Variants in SCUBE3 observed in about 807,000 individuals in gnomAD.
SCUBE3 encodes the protein signal peptide, CUB and EGF-like domain-containing protein 3.
In SCUBE3, 33 loss-of-function variants were observed where a neutral mutation model predicts 116.8. The observed-to-expected ratio is 0.28, with a 90% CI of 0.21 to 0.38. The LOEUF is 0.38. SCUBE3 is among the 10% of genes least tolerant of loss of function. The pLI is 1.00. For synonymous variants in SCUBE3, 418 were observed against 496.9 expected, an observed-to-expected ratio of 0.84 and a Z score of 2.11; for missense variants, 1,007 against 1,324.8, an observed-to-expected ratio of 0.76 and a Z score of 3.72.
At position 35,235,736 on chromosome 6, in the gene SCUBE3, C is replaced by T. The variant is rs1037649068; in HGVS notation, c.713-2166C>T. Among the ~76,000 whole-genome samples the T allele has an allele frequency of 2.2e-4, 33 of 152,090 alleles. No homozygotes were observed. The highest frequency in any genetic ancestry group is 6.8e-4 in the African/African-American group (28 of 41,400). On this transcript the variant is annotated intron_variant, in intron 6 of 21. Coordinates refer to ENST00000274938, the MANE Select transcript of SCUBE3 (RefSeq NM_152753.4). The surrounding 1 kb of genome is among the most constrained non-coding windows in gnomAD (Gnocchi z 4.5). ...TTTGTTCCTGTCACTCTCCTTCTGC[C>T]CTTCCTCTTCTGCTGTCTCCTCCCA...
rs1562061580 is a variant in SCUBE3, at chr6:35,246,422, GCTT to G, written c.2832+141_2832+143del. The G allele has an allele frequency of 7.5e-6, 5 of 667,420 alleles. No individual in the cohort carries two copies. In the East Asian group the frequency reaches 1.4e-4, roughly 19 times the overall value. The allele number at this position is 667,420 out of a possible 1,614,324, so 41.3% of individuals were successfully genotyped here. A position where few individuals can be genotyped will look rare whatever the true frequency, so the allele number is the denominator to read the frequency against. On this transcript the variant is annotated intron_variant, in intron 21 of 21. Coordinates refer to ENST00000274938, the MANE Select transcript of SCUBE3 (RefSeq NM_152753.4). ...CTATGAGGTAGGTGCTTTCTCCATT[GCTT>G]CTTTACAGATGGGAAAACTGGGGTA... is the stretch of plus-strand genomic sequence containing the variant.
Position 35,232,446 on chromosome 6 carries a change from G to C in SCUBE3, c.470-404G>C, listed in dbSNP as rs750983497. Reference sequence around the variant, plus strand: ...CTCCACTCTCATTGTAGATCTGATTGCTACTGATCTTCTTCCCAGTTTGAC... The same window carrying C: ...CTCCACTCTCATTGTAGATCTGATTCCTACTGATCTTCTTCCCAGTTTGAC... On this transcript the variant is annotated intron_variant, in intron 4 of 21. Coordinates refer to ENST00000274938, the MANE Select transcript of SCUBE3 (RefSeq NM_152753.4). This position sits in a 1 kb window ranked among gnomAD's most constrained non-coding sequence, Gnocchi z 4.2. Among the ~76,000 whole-genome samples, 1 of 152,122 alleles carries C rather than the reference G, an allele frequency of 6.6e-6. No individual in the cohort carries two copies. Among genetic ancestry groups the C allele is most frequent in the Non-Finnish European group, 1.5e-5 (1 of 68,026 alleles).
intron 1 of SCUBE3, among the ~76,000 whole-genome samples, chr6:35,215,711 T>C (rs148106973): frequency 8.7e-4 from 132 of 152,306 alleles, no homozygotes; most frequent in African/African-American, 2.8e-3. Context: ...AGGTGCTGTA[T>C]CAATGCCGCC....
Position 35,240,543 on chromosome 6 carries a change from C to A in SCUBE3, c.1069+53C>A. ...CACCCTGGCCCCCTCACCTCTTCAC[C>A]CTCCAATTGAACAGGTCCTTGTGTT... is the stretch of plus-strand genomic sequence containing the variant. On this transcript the variant is annotated intron_variant, in intron 9 of 21. Coordinates refer to ENST00000274938, the MANE Select transcript of SCUBE3 (RefSeq NM_152753.4). The surrounding 1 kb of genome is among the most constrained non-coding windows in gnomAD (Gnocchi z 4.6). 2 of 883,582 alleles carry A rather than the reference C, an allele frequency of 2.3e-6. No homozygotes were observed. Among genetic ancestry groups the A allele is most frequent in the East Asian group, 5.2e-5 (2 of 38,462 alleles). 54.7% of individuals were successfully genotyped at this position (883,582 alleles called of 1,614,324 possible).
intron 6 of SCUBE3, among the ~76,000 whole-genome samples, chr6:35,236,146 A>G (rs1783761963): frequency 6.6e-6 from 1 of 152,244 alleles, no homozygotes; most frequent in Non-Finnish European, 1.5e-5. Context: ...TAGTGCATGT[A>G]GAGCATCTAC....
At chr6:35,247,934 GAGGAGCATTCCAAGCTA>G (rs920991796) in intron 21 of SCUBE3, among the ~76,000 whole-genome samples, 5 of 152,232 alleles carry the variant, frequency 3.3e-5, no homozygotes, top group African/African-American at 1.2e-4. Context: ...GAAGATGAGG[GAGGAGCATTCCAAGCTA>G]AGGAGCATGG....
Position 35,227,571 on chromosome 6 carries a change from C to T in SCUBE3, c.86-9C>T, listed in dbSNP as rs773830775. ...AGAGGTTCTCATGTGCCCCCTCTGC[C>T]CCTGCCAGATGTGGATGAGTGTGTG... On this transcript the variant is annotated splice_polypyrimidine_tract_variant and intron_variant, in intron 1 of 21. Coordinates refer to ENST00000274938, the MANE Select transcript of SCUBE3 (RefSeq NM_152753.4). The T allele has an allele frequency of 6.2e-6, 10 of 1,614,156 alleles. No individual in the cohort carries two copies. The highest frequency in any genetic ancestry group is 8.5e-6 in the Non-Finnish European group (10 of 1,180,024).
rs1313706133 is a variant in SCUBE3, at chr6:35,214,427, G to A, written c.9G>A (p.Ser3=). 2.0e-6 allele frequency: 3 copies of A among 1,469,390 alleles called. No homozygotes were observed. Among genetic ancestry groups the A allele is most frequent in the Non-Finnish European group, 2.7e-6 (3 of 1,111,976 alleles). 91.0% of individuals were successfully genotyped at this position (1,469,390 alleles called of 1,614,324 possible). ...CGCCAGTAGCTCCAGCCATGGGCTCGGGGCGCGTACCCGGGCTCTGCCTGC... is the reference window on the plus strand; with the variant it reads ...CGCCAGTAGCTCCAGCCATGGGCTCAGGGCGCGTACCCGGGCTCTGCCTGC... The part of the protein sequence containing the change: MG[S]GRVPGLCLLV... Residue 3 remains serine, a synonymous_variant, in exon 1 of 22, where the codon TCG becomes TCA. Coordinates refer to ENST00000274938, the MANE Select transcript of SCUBE3 (RefSeq NM_152753.4). This position sits in a 1 kb window ranked among gnomAD's most constrained non-coding sequence, Gnocchi z 6.3.
rs1784221557 is a variant in SCUBE3, at chr6:35,244,131, G to A, written c.2239+1G>A. On this transcript the variant is annotated splice_donor_variant, in intron 17 of 21. Coordinates refer to ENST00000274938, the MANE Select transcript of SCUBE3 (RefSeq NM_152753.4). LOFTEE classifies it high-confidence loss of function. The surrounding 1 kb of genome is among the most constrained non-coding windows in gnomAD (Gnocchi z 4.3). ...TCCTTCCAAGACTGTGACACCAAAG[G>A]TGAGTAAGCTACTCACCTCCCTGGG... 1 of 1,612,772 alleles carries A rather than the reference G, an allele frequency of 6.2e-7. No homozygotes were observed. The highest frequency in any genetic ancestry group is 8.5e-7 in the Non-Finnish European group (1 of 1,179,264).
chr6:35,238,872 T>G (rs1475547758), intron 7 of SCUBE3, among the ~76,000 whole-genome samples: 1 of 152,124 alleles, frequency 6.6e-6, no homozygotes, highest in African/African-American at 2.4e-5. Context: ...TTTGTGTCTT[T>G]TGGCCCAACA....
chr6:35,241,109 T>C lies in SCUBE3; in HGVS notation c.1070-32T>C. On this transcript the variant is annotated intron_variant, in intron 9 of 21. Transcript: ENST00000274938. The surrounding 1 kb of genome is among the most constrained non-coding windows in gnomAD (Gnocchi z 4.1). ...TCCGGCTCCTCCTCCAACTCCATCG[T>C]TGTTTTTCTGTCTCCCTACTCCTTC... The C allele has an allele frequency of 6.4e-7, 1 of 1,564,540 alleles. No homozygotes were observed. Among genetic ancestry groups the C allele is most frequent in the Non-Finnish European group, 8.7e-7 (1 of 1,146,726 alleles).
At chr6:35,237,024 T>C (rs1212362539) in intron 6 of SCUBE3, among the ~76,000 whole-genome samples, 2 of 152,142 alleles carry the variant, frequency 1.3e-5, no homozygotes, top group Non-Finnish European at 2.9e-5. Flanking sequence ...GACCTTTTAG[T>C]GAAAGGGAAA....
At chr6:35,234,541 A>AC (rs1783682291) in intron 6 of SCUBE3, among the ~76,000 whole-genome samples, 1 of 151,988 alleles carries the variant, frequency 6.6e-6, no homozygotes, top group African/African-American at 2.4e-5. Context: ...CTCTTCAAAG[A>AC]CCCCAGAACA....
chr6:35,215,181 C>T (rs1052628830), intron 1 of SCUBE3, among the ~76,000 whole-genome samples: 3 of 152,104 alleles, frequency 2.0e-5, no homozygotes, highest in African/African-American at 7.2e-5. Context: ...TTATTAAGGC[C>T]TCGGGTTTCC....
At chr6:35,237,423 G>A (rs888373050) in intron 6 of SCUBE3, among the ~76,000 whole-genome samples, 2 of 152,108 alleles carry the variant, frequency 1.3e-5, no homozygotes, top group Non-Finnish European at 2.9e-5. Flanking sequence ...GGAATGGCCC[G>A]GCTCATTCTT....
At position 35,214,557 on chromosome 6, in the gene SCUBE3, G is replaced by A. The variant is rs1007413694; in HGVS notation, c.85+54G>A. On this transcript the variant is annotated intron_variant, in intron 1 of 21. Coordinates refer to ENST00000274938, the MANE Select transcript of SCUBE3 (RefSeq NM_152753.4). The surrounding 1 kb of genome is among the most constrained non-coding windows in gnomAD (Gnocchi z 6.3). ...GGCTGTCCTGGCTGCTGGGCCTCAGGGCCTAGGAGCGATTCCCGAGGGGCA... is the reference window on the plus strand; with the variant it reads ...GGCTGTCCTGGCTGCTGGGCCTCAGAGCCTAGGAGCGATTCCCGAGGGGCA... The A allele has an allele frequency of 1.7e-6, 2 of 1,189,080 alleles. No individual in the cohort carries two copies. The highest frequency in any genetic ancestry group is 1.7e-5 in the South Asian group (1 of 57,826). 73.7% of individuals were successfully genotyped at this position (1,189,080 alleles called of 1,614,324 possible).
rs1442392602 is a variant in SCUBE3, at chr6:35,251,461, T to A, written c.*2756T>A. Reference sequence around the variant, plus strand: ...CCACCGCGCCCAGCCTAGGATAACTTTCTGATTCCTCTCTGCCAGCCGTTT... The same window carrying A: ...CCACCGCGCCCAGCCTAGGATAACTATCTGATTCCTCTCTGCCAGCCGTTT... On this transcript the variant is annotated 3_prime_UTR_variant, in exon 22 of 22. Coordinates refer to ENST00000274938, the MANE Select transcript of SCUBE3 (RefSeq NM_152753.4). The A allele has an allele frequency of 6.6e-6, 1 of 152,240 alleles. No individual in the cohort carries two copies. The highest frequency in any genetic ancestry group is 1.5e-5 in the Non-Finnish European group (1 of 68,058). 9.4% of individuals were successfully genotyped at this position (152,240 alleles called of 1,614,324 possible).
At position 35,227,587 on chromosome 6, in the gene SCUBE3, T is replaced by G; in HGVS notation, c.93T>G (p.Asp31Glu). The G allele has an allele frequency of 6.2e-7, 1 of 1,614,122 alleles. No homozygotes were observed. The highest frequency in any genetic ancestry group is 1.6e-4 in the Middle Eastern group (1 of 6,062). ...CCCCTCTGCCCCTGCCAGATGTGGA[T>G]GAGTGTGTGGAGGGGACTGACAACT... ...AQYSKAAQDV[D>E]ECVEGTDNCH... Residue 31 changes from aspartate to glutamate, a missense_variant, in exon 2 of 22, where the codon GAT becomes GAG. Physicochemically the swap from Asp to Glu is conservative, Grantham distance 45. Coordinates refer to ENST00000274938, the MANE Select transcript of SCUBE3 (RefSeq NM_152753.4).
intron 6 of SCUBE3, 88 bp from the exon 7 acceptor site, chr6:35,237,814 G>T: frequency 2.7e-6 from 2 of 730,842 alleles, no homozygotes. Context: ...GCCTTCCCTC[G>T]GGCCTCTGTG....
Sources: gnomAD v4.1 joint callset for allele counts (sites outside exome capture counted in the v4.1 genomes callset) on GRCh38, gnomAD v4.1.1 for gene constraint, Gnocchi (gnomAD v3.1) non-coding constraint, MANE v1.5 for transcripts, NCBI Gene and HGNC (gene_info 2026-07-23, HGNC 2026-07-21) for gene names.